Variants in CCSER1 observed in about 807,000 individuals in gnomAD.
The protein encoded by CCSER1 is serine-rich coiled-coil domain-containing protein 1.
In CCSER1, 41 loss-of-function variants were observed where a neutral mutation model predicts 82.0. The ratio of observed to expected loss-of-function variants is 0.50; its 90% confidence interval spans 0.39 to 0.65. CCSER1 has a LOEUF of 0.65. Ranked by LOEUF, CCSER1 falls within the 30% of genes least tolerant of loss-of-function variation. The pLI is 0.00. For missense variants in CCSER1, 1,119 were observed against 1,064.2 expected, an observed-to-expected ratio of 1.05 and a Z score of -0.72; for synonymous variants, 414 against 383.9, an observed-to-expected ratio of 1.08 and a Z score of -0.92.
At chr4:90,730,724 T>C (rs570325411) in intron 7 of CCSER1, among the ~76,000 whole-genome samples, 3 of 152,028 alleles carry the variant, frequency 2.0e-5, no homozygotes, top group Non-Finnish European at 4.4e-5. Flanking sequence ...GTAGAGACCA[T>C]AATGAAGAAA....
At chr4:90,730,208 T>C (rs1744444747) in intron 7 of CCSER1, among the ~76,000 whole-genome samples, 1 of 152,176 alleles carries the variant, frequency 6.6e-6, no homozygotes. Context: ...AGAAGCCAAA[T>C]TGTGGCATGA....
At chr4:90,801,553 G>A (rs140785012) in intron 7 of CCSER1, among the ~76,000 whole-genome samples, 3 of 152,100 alleles carry the variant, frequency 2.0e-5, no homozygotes, top group African/African-American at 7.2e-5. Context: ...AATCTTAGGA[G>A]ATATGCCACT....
intron 8 of CCSER1, among the ~76,000 whole-genome samples, chr4:90,903,530 A>G (rs1195411289): frequency 6.6e-6 from 1 of 152,138 alleles, no homozygotes; most frequent in Non-Finnish European, 1.5e-5. Flanking sequence ...CAGTGCAATA[A>G]AATTAGAAAT....
At chr4:90,921,376 A>G (rs150165301) in intron 8 of CCSER1, among the ~76,000 whole-genome samples, 12 of 152,146 alleles carry the variant, frequency 7.9e-5, no homozygotes, top group South Asian at 2.1e-4. Flanking sequence ...ACACGTGCAT[A>G]CGTAATACCA....
intron 5 of CCSER1, among the ~76,000 whole-genome samples, chr4:90,502,269 AGGTCTTCATGTG>A (rs528828525): frequency 4.8e-4 from 73 of 152,218 alleles, no homozygotes; most frequent in Admixed American, 3.6e-3. Context: ...GGAAGCAAGC[AGGTCTTCATGTG>A]GCAGCAGGAG....
chr4:90,551,465 C>G (rs1777467506), intron 5 of CCSER1, among the ~76,000 whole-genome samples: 1 of 151,864 alleles, frequency 6.6e-6, no homozygotes, highest in Admixed American at 6.6e-5. Context: ...CTTCTATGCC[C>G]AGCCTTCCCC....
chr4:91,482,845 C>CA (rs1244682260), intron 10 of CCSER1, among the ~76,000 whole-genome samples: 1 of 151,664 alleles, frequency 6.6e-6, no homozygotes, highest in Non-Finnish European at 1.5e-5. Flanking sequence ...ATCGCAAGGA[C>CA]AAAAAACCAA....
chr4:91,203,656 A>G (rs1018301371), intron 10 of CCSER1, among the ~76,000 whole-genome samples: 2 of 151,886 alleles, frequency 1.3e-5, no homozygotes, highest in Non-Finnish European at 2.9e-5. Context: ...TGTTAAAAAA[A>G]AACAGGGTAA....
chr4:91,049,981 T>G (rs1002155430), intron 9 of CCSER1, among the ~76,000 whole-genome samples: 1 of 152,168 alleles, frequency 6.6e-6, no homozygotes, highest in Non-Finnish European at 1.5e-5. Context: ...TTCTCTAAAC[T>G]TCAATATTTT....
rs537522281 is a variant in CCSER1 at position 90,632,000 on chromosome 4, T to TCTGGTCCC, written c.1932+3769_1932+3776dup. 3.5e-4 allele frequency among the ~76,000 whole-genome samples: 53 copies of TCTGGTCCC among 152,250 alleles called. 1 individual carries two copies. The South Asian group carries it at 9.7e-3, about 28-fold the overall frequency. ...AGTCTGAAAAAATTCAAAAAACACTTCTGGTCCCAAGCCTTTTAGAGAAGG... is the reference window on the plus strand; with the variant it reads ...AGTCTGAAAAAATTCAAAAAACACTTCTGGTCCCCTGGTCCCAAGCCTTTTAGAGAAGG... On this transcript the variant is annotated intron_variant, in intron 6 of 10. Transcript: ENST00000509176.
chr4:90,421,102 A>G (rs933141142), intron 4 of CCSER1, among the ~76,000 whole-genome samples: 1 of 152,210 alleles, frequency 6.6e-6, no homozygotes, highest in Admixed American at 6.5e-5. Context: ...AACCACTGAC[A>G]TGAAACATAA....
chr4:90,410,671 A>G (rs541154401), intron 4 of CCSER1, among the ~76,000 whole-genome samples: 102 of 152,342 alleles, frequency 6.7e-4, no homozygotes, highest in African/African-American at 2.4e-3. Context: ...CCCACAAGAG[A>G]AAGCAGGAAA....
chr4:91,287,917 T>C (rs1462777530), intron 10 of CCSER1, among the ~76,000 whole-genome samples: 1 of 151,652 alleles, frequency 6.6e-6, no homozygotes, highest in African/African-American at 2.4e-5. Flanking sequence ...CAGTAATGAT[T>C]TTACATGTAA....
intron 7 of CCSER1, among the ~76,000 whole-genome samples, chr4:90,805,495 T>C (rs912154691): frequency 2.6e-5 from 4 of 152,158 alleles, no homozygotes; most frequent in Non-Finnish European, 5.9e-5. Flanking sequence ...CCTTTCCTGA[T>C]CTAATCCTGA....
intron 10 of CCSER1, among the ~76,000 whole-genome samples, chr4:91,289,287 A>G (rs1332362254): frequency 1.3e-5 from 2 of 152,068 alleles, no homozygotes; most frequent in Non-Finnish European, 2.9e-5. Flanking sequence ...AATGTCCTAC[A>G]TAAAATGTCT....
intron 5 of CCSER1, among the ~76,000 whole-genome samples, chr4:90,594,880 T>C (rs1783135904): frequency 6.6e-6 from 1 of 152,062 alleles, no homozygotes; most frequent in Non-Finnish European, 1.5e-5. Context: ...TATTAGATGC[T>C]TGGAAAGCAA....
chr4:91,180,344 C>T (rs1252418842), intron 10 of CCSER1, among the ~76,000 whole-genome samples: 1 of 152,194 alleles, frequency 6.6e-6, no homozygotes, highest in Non-Finnish European at 1.5e-5. Context: ...AGCTGTCAGA[C>T]AGGGACGTTG....
rs879523077 is a variant in CCSER1, at chr4:91,600,664, G to C, written c.*1607G>C. 2.6e-5 allele frequency: 4 copies of C among 152,100 alleles called. No homozygotes were observed. Among genetic ancestry groups the C allele is most frequent in the African/African-American group, 9.7e-5 (4 of 41,440 alleles). The allele number at this position is 152,100 out of a possible 1,614,324, so 9.4% of individuals were successfully genotyped here. On this transcript the variant is annotated 3_prime_UTR_variant, in exon 11 of 11. Transcript: ENST00000509176. ...AAGCCATTAGACACTCCACCCCTGA[G>C]CTTTAACTACTGAACTTTGATACAT...
intron 7 of CCSER1, among the ~76,000 whole-genome samples, chr4:90,783,992 A>G (rs1210236035): frequency 1.3e-5 from 2 of 152,234 alleles, no homozygotes; most frequent in Non-Finnish European, 2.9e-5. Context: ...AAAAAAACTC[A>G]TTAATACAAG....
Sources: allele counts gnomAD v4.1 joint callset (sites outside exome capture counted in the v4.1 genomes callset), GRCh38; gene constraint gnomAD v4.1.1; transcripts MANE v1.5; gene names NCBI Gene and HGNC (gene_info 2026-07-23, HGNC 2026-07-21).